Variants in NAV2 observed in about 807,000 individuals in gnomAD.
The protein encoded by NAV2 is neuron navigator 2, also known as helicase, APC down-regulated 1.
In NAV2, 54 loss-of-function variants were observed where a neutral mutation model predicts 223.2. The ratio of observed to expected loss-of-function variants is 0.24; its 90% CI spans 0.19 to 0.30. The LOEUF (loss-of-function observed/expected upper bound fraction) is 0.30. NAV2 is among the 10% of genes least tolerant of loss of function. NAV2 has a pLI of 1.00. For synonymous variants in NAV2, 1,279 were observed against 1,239.3 expected (o/e 1.03, Z -0.67); for missense variants, 2,806 against 3,147.5 (o/e 0.89, Z 2.60).
At chr11:19,694,882 G>A (rs919067146) in intron 1 of NAV2, among the ~76,000 whole-genome samples, 9 of 152,142 alleles carry the variant, frequency 5.9e-5, no homozygotes, top group African/African-American at 1.4e-4. Context: ...GGCCCAGTTC[G>A]GTGGGATCTG....
At position 19,996,025 on chromosome 11, in the gene NAV2, T is replaced by G. The variant is rs562811730; in HGVS notation, c.2768+11778T>G. Reference sequence around the variant, plus strand: ...GTTGACAGGCTTTGCATGGTACTCCTGAGTGTCAGAGGACAAAACAGCTCT... The same window carrying G: ...GTTGACAGGCTTTGCATGGTACTCCGGAGTGTCAGAGGACAAAACAGCTCT... On this transcript the variant is annotated intron_variant, in intron 11 of 37. Coordinates refer to ENST00000349880, the MANE Select transcript of NAV2 (RefSeq NM_145117.5). Among the ~76,000 whole-genome samples the G allele has an allele frequency of 4.6e-5, 7 of 152,284 alleles. No individual in the cohort carries two copies. The South Asian group carries it at 1.5e-3, about 32-fold the overall frequency.
chr11:19,716,666 T>A (rs959765801), intron 1 of NAV2, among the ~76,000 whole-genome samples: 2 of 152,168 alleles, frequency 1.3e-5, no homozygotes, highest in African/African-American at 4.8e-5. Context: ...ATGTCCACTT[T>A]CTGAGTGCCT....
chr11:19,456,545 A>T (rs1205160445), intron 1 of NAV2, among the ~76,000 whole-genome samples: 1 of 152,174 alleles, frequency 6.6e-6, no homozygotes. Flanking sequence ...GCATAGAGGC[A>T]GCTGTTTACA....
Position 19,880,063 on chromosome 11 carries a change from C to T in NAV2, c.706C>T (p.Pro236Ser), listed in dbSNP as rs1414783818. The T allele has an allele frequency of 2.5e-6, 4 of 1,612,808 alleles. No individual in the cohort carries two copies. Among genetic ancestry groups the T allele is most frequent in the Admixed American group, 1.7e-5 (1 of 59,978 alleles). Residue 236 changes from proline to serine, a missense_variant, in exon 5 of 38, where the codon CCG becomes TCG. Transcript: ENST00000349880. The stretch of plus-strand genomic sequence containing the variant: ...GCAGGTGCCAGTCACTCCCCAAGCC[C>T]CGTGCCAGCCTCACCAGCCAGCGCC... ...QQQVPVTPQAPCQPHQPAPHQ... is the reference protein window; with the variant it reads ...QQQVPVTPQASCQPHQPAPHQ...
upstream of NAV2, among the ~76,000 whole-genome samples, chr11:19,708,685 G>A (rs2049753045): frequency 6.6e-6 from 1 of 152,186 alleles, no homozygotes; most frequent in African/African-American, 2.4e-5. Flanking sequence ...TTCCTGATCT[G>A]AGGATGGCTC....
intron 1 of NAV2, among the ~76,000 whole-genome samples, chr11:19,567,402 T>C (rs1041947072): frequency 2.0e-5 from 3 of 152,256 alleles, no homozygotes; most frequent in African/African-American, 7.2e-5. Flanking sequence ...CCAATGTATA[T>C]GGTTCCCTGA....
In NAV2 at chr11:20,083,147, C is replaced by T. The variant is rs2060194197; in HGVS notation, c.5466C>T (p.Thr1822=). The change falls in exon 26 of 38, where the codon ACC becomes ACT. Residue 1822 remains threonine (T), a synonymous_variant. Coordinates refer to ENST00000349880, the MANE Select transcript of NAV2 (RefSeq NM_145117.5). The stretch of plus-strand genomic sequence containing the variant: ...CGCACAATGGGTCCACAGGTTCCAC[C>T]CCACTGCTGAGGAATTCTCACTCCA... ...KLPHNGSTGS[T]PLLRNSHSNS... 1 of 1,613,764 alleles carries T rather than the reference C, an allele frequency of 6.2e-7. No individual in the cohort carries two copies. The highest frequency in any genetic ancestry group is 8.5e-7 in the Non-Finnish European group (1 of 1,179,796).
rs143720513 is a variant in NAV2 at position 19,447,979 on chromosome 11, C to T, written c.75+96952C>T. On this transcript the variant is annotated intron_variant, in intron 1 of 37. Coordinates refer to the NAV2 transcript ENST00000360655. ...TTCCTCTCTCTCCTCTGACCAAACA[C>T]GCACCCTGGTTTAGCTTGAGCTGTT... Among the ~76,000 whole-genome samples, 885 of 152,298 alleles carry T rather than the reference C, an allele frequency of 5.8e-3. 2 individuals are homozygous for T. Among genetic ancestry groups the T allele is most frequent in the African/African-American group, 0.02 (811 of 41,558 alleles).
intron 31 of NAV2, among the ~76,000 whole-genome samples, chr11:20,099,451 A>G (rs543171927): frequency 3.3e-5 from 5 of 152,214 alleles, no homozygotes; most frequent in Non-Finnish European, 2.9e-5. Flanking sequence ...AAGCCTCTCT[A>G]GAAAGTAACA....
intron 1 of NAV2, among the ~76,000 whole-genome samples, chr11:19,453,466 A>G (rs1233129746): frequency 4.6e-5 from 7 of 152,210 alleles, no homozygotes; most frequent in Admixed American, 4.6e-4. Context: ...TTAACCTTAA[A>G]CTGATGTTAG....
intron 1 of NAV2, among the ~76,000 whole-genome samples, chr11:19,667,322 C>A (rs2048442497): frequency 1.3e-5 from 2 of 152,196 alleles, no homozygotes; most frequent in African/African-American, 4.8e-5. Context: ...GGTCCTTGAC[C>A]TTGAGATGCT....
chr11:19,943,425 C>A lies in NAV2; in HGVS notation c.2147-2976C>A, dbSNP rs1023671112. Among the ~76,000 whole-genome samples, 70 of 152,214 alleles carry A rather than the reference C, an allele frequency of 4.6e-4. 1 individual carries two copies. The highest frequency in any genetic ancestry group is 1.7e-3 in the African/African-American group (69 of 41,510). On this transcript the variant is annotated intron_variant, in intron 8 of 37. Coordinates refer to ENST00000349880, the MANE Select transcript of NAV2 (RefSeq NM_145117.5). Reference sequence around the variant, plus strand: ...TAAGAGAAAAATGCCTTCCAAATTTCTTTGGGTTAAAAGGTGGAAGGAGAA... The same window carrying A: ...TAAGAGAAAAATGCCTTCCAAATTTATTTGGGTTAAAAGGTGGAAGGAGAA...
At chr11:19,588,622 G>C (rs1405804553) in intron 1 of NAV2, among the ~76,000 whole-genome samples, 1 of 152,214 alleles carries the variant, frequency 6.6e-6, no homozygotes, top group Non-Finnish European at 1.5e-5. Context: ...AACTACCATT[G>C]GAGACATAGG....
intron 1 of NAV2, among the ~76,000 whole-genome samples, chr11:19,685,048 G>C (rs2048985105): frequency 6.6e-6 from 1 of 152,108 alleles, no homozygotes; most frequent in Non-Finnish European, 1.5e-5. Context: ...ATGGGTTTGG[G>C]GCAGGATGAG....
chr11:20,026,748 C>G (rs1340566855), intron 11 of NAV2, among the ~76,000 whole-genome samples: 1 of 152,202 alleles, frequency 6.6e-6, no homozygotes, highest in African/African-American at 2.4e-5. Flanking sequence ...TGGTTGAACA[C>G]TCATGTGTCT....
At position 19,713,652 on chromosome 11, in the gene NAV2, C is replaced by A; in HGVS notation, c.-44C>A. ...CTGCCTTTAGCGGTCGCCCCCGCCG[C>A]CGCTGCCAGGGACGTGCTGGGAAAG... On this transcript the variant is annotated 5_prime_UTR_variant, in exon 1 of 38. Coordinates refer to ENST00000349880, the MANE Select transcript of NAV2 (RefSeq NM_145117.5). This position sits in a 1 kb window ranked among gnomAD's most constrained non-coding sequence, Gnocchi z 7.2. The A allele has an allele frequency of 6.7e-7, 1 of 1,498,594 alleles. No individual in the cohort carries two copies. The highest frequency in any genetic ancestry group is 8.9e-7 in the Non-Finnish European group (1 of 1,123,638). The allele number at this position is 1,498,594 out of a possible 1,614,324, so 92.8% of individuals were successfully genotyped here. A position where few individuals can be genotyped will look rare whatever the true frequency, so the allele number is the denominator to read the frequency against.
At position 19,934,390 on chromosome 11, in the gene NAV2, CA is replaced by C. The variant is rs1451958430; in HGVS notation, c.2033+114del. 1.9e-5 allele frequency: 24 copies of C among 1,292,602 alleles called. No homozygotes were observed. The East Asian group carries it at 4.3e-4, about 23-fold the overall frequency. The allele number at this position is 1,292,602 out of a possible 1,614,324, so 80.1% of individuals were successfully genotyped here. A position where few individuals can be genotyped will look rare whatever the true frequency, so the allele number is the denominator to read the frequency against. On this transcript the variant is annotated intron_variant, in intron 7 of 37. Transcript: ENST00000349880. ...GACTGTGCTCCAGGAATACTTAAGT[CA>C]GTAGCTAAGAAACCACGTGATGAAC...
intron 1 of NAV2, among the ~76,000 whole-genome samples, chr11:19,637,628 A>G (rs1031352959): frequency 6.6e-6 from 1 of 152,248 alleles, no homozygotes; most frequent in Non-Finnish European, 1.5e-5. Context: ...TTACTCATGC[A>G]GAAGGCAAAG....
intron 5 of NAV2, 61 bp downstream of exon 5, chr11:19,880,188 A>G (rs944998950): frequency 5.4e-6 from 8 of 1,480,742 alleles, no homozygotes; most frequent in Non-Finnish European, 5.4e-6. Flanking sequence ...ACCCCAACCA[A>G]TCTCTAGGCT....
Sources: gnomAD v4.1 joint callset for allele counts (sites outside exome capture counted in the v4.1 genomes callset) on GRCh38, gnomAD v4.1.1 for gene constraint, Gnocchi (gnomAD v3.1) non-coding constraint, MANE v1.5 for transcripts, NCBI Gene and HGNC (gene_info 2026-07-23, HGNC 2026-07-21) for gene names.